The following HTR2C variants were observed in gnomAD, a reference collection of about 807,000 sequenced individuals.
HTR2C encodes the protein 5-hydroxytryptamine receptor 2C.
In HTR2C, 5 loss-of-function variants were observed where a neutral mutation model predicts 21.0. That is an observed-to-expected ratio of 0.24 (90% CI 0.12 to 0.50). The LOEUF is 0.50. Ranked by LOEUF, HTR2C falls within the 20% of genes least tolerant of loss-of-function variation. HTR2C has a pLI of 0.98. For missense variants in HTR2C, 271 were observed against 371.2 expected (o/e 0.73, Z 2.22); for synonymous variants, 150 against 145.3 (o/e 1.03, Z -0.23).
intron 4 of HTR2C, among the ~76,000 whole-genome samples, chrX:114,733,246 G>A (rs2069553930): frequency 9.1e-6 from 1 of 109,585 alleles, no homozygotes; most frequent in South Asian, 4.0e-4. Context: ...AGTCTCTGCT[G>A]AAAATACAAA....
Position 114,807,362 on chromosome X carries a change from CAT to C in HTR2C, c.350-40636_350-40635del, listed in dbSNP as rs1266237581. On this transcript the variant is annotated intron_variant, in intron 4 of 5. Coordinates refer to ENST00000276198, the MANE Select transcript of HTR2C (RefSeq NM_000868.4). ...ATGTATCTATACCATATATATACACCATATATCTATACCATATATATACGCCA... is the reference window on the plus strand; with the variant it reads ...ATGTATCTATACCATATATATACACCATATCTATACCATATATATACGCCA... 3.2e-3 allele frequency among the ~76,000 whole-genome samples: 100 copies of C among 31,740 alleles called. 46 individuals are homozygous for C. In the South Asian group the frequency reaches 0.038, roughly 12 times the overall value. The allele number at this position is 31,740 out of a possible 115,157, so 27.6% of individuals were successfully genotyped here. A position where few individuals can be genotyped will look rare whatever the true frequency, so the allele number is the denominator to read the frequency against.
At chrX:114,628,312 C>T (rs1381447391) in intron 2 of HTR2C, among the ~76,000 whole-genome samples, 1 of 110,029 alleles carries the variant, frequency 9.1e-6, no homozygotes, top group Admixed American at 9.8e-5. Flanking sequence ...GATCTTGGCT[C>T]ACTGCAACTT....
At chrX:114,802,796 A>G (rs782165207) in intron 4 of HTR2C, among the ~76,000 whole-genome samples, 2 of 102,259 alleles carry the variant, frequency 2.0e-5, no homozygotes, top group African/African-American at 7.2e-5. Context: ...TTAGTTACAT[A>G]TGTATTCATG....
chrX:114,734,292 A>G (rs1467160107), intron 4 of HTR2C, among the ~76,000 whole-genome samples: 4 of 111,060 alleles, frequency 3.6e-5, no homozygotes, highest in Non-Finnish European at 7.6e-5. Flanking sequence ...AAATGATTAA[A>G]TGTATGTATG....
intron 5 of HTR2C, among the ~76,000 whole-genome samples, chrX:114,851,241 GA>G (rs1286357540): frequency 8.9e-6 from 1 of 111,773 alleles, no homozygotes; most frequent in African/African-American, 3.2e-5. Context: ...GACAAGTGAA[GA>G]ATACATATTC....
At chrX:114,775,760 G>T in intron 4 of HTR2C, 1 of 487,066 alleles carries the variant, frequency 2.1e-6, no homozygotes, top group South Asian at 3.0e-5. Context: ...GGGGATATGA[G>T]TATAACCACC....
chrX:114,744,514 T>G (rs1234940304), intron 4 of HTR2C, among the ~76,000 whole-genome samples: 8 of 107,903 alleles, frequency 7.4e-5, no homozygotes, highest in South Asian at 4.2e-4. Flanking sequence ...GTGCAATGGC[T>G]TGATCTCGGC....
chrX:114,876,532 A>T (rs1169077105), intron 5 of HTR2C, among the ~76,000 whole-genome samples: 1 of 106,238 alleles, frequency 9.4e-6, no homozygotes, highest in East Asian at 2.9e-4. Context: ...TAGAGGAAAA[A>T]TTTCACATTT....
rs192960493 is a variant in HTR2C at position 114,811,330 on chromosome X, C to T, written c.350-36673C>T. Among the ~76,000 whole-genome samples the T allele has an allele frequency of 9.0e-5, 10 of 110,833 alleles. No individual in the cohort carries two copies. In the East Asian group the frequency reaches 2.5e-3, roughly 28 times the overall value. ...TTTCATGGTTTCCCTCAGACCCCAC[C>T]CAATACGTTTTTTTGGAAGATTAAC... On this transcript the variant is annotated intron_variant, in intron 4 of 5. Coordinates refer to ENST00000276198, the MANE Select transcript of HTR2C (RefSeq NM_000868.4).
intron 5 of HTR2C, among the ~76,000 whole-genome samples, chrX:114,862,196 A>G (rs1489789115): frequency 8.1e-5 from 9 of 110,976 alleles, no homozygotes; most frequent in Non-Finnish European, 1.5e-4. Flanking sequence ...ATTCTTTTGC[A>G]TATGGAAATA....
intron 2 of HTR2C, among the ~76,000 whole-genome samples, chrX:114,640,097 C>T (rs782670235): frequency 1.8e-5 from 2 of 110,693 alleles, no homozygotes; most frequent in South Asian, 7.5e-4. Context: ...ATTTTTTGTT[C>T]GACACATATT....
intron 2 of HTR2C, among the ~76,000 whole-genome samples, chrX:114,714,688 C>T (rs958752495): frequency 5.4e-5 from 6 of 111,941 alleles, no homozygotes; most frequent in African/African-American, 9.7e-5. Flanking sequence ...TGTAAAACAG[C>T]GTAGAATAAT....
intron 2 of HTR2C, among the ~76,000 whole-genome samples, chrX:114,702,825 G>A (rs1469050227): frequency 1.9e-5 from 2 of 106,592 alleles, no homozygotes; most frequent in African/African-American, 6.8e-5. Flanking sequence ...CATCTCACGT[G>A]CAGAGACACA....
intron 4 of HTR2C, among the ~76,000 whole-genome samples, chrX:114,797,365 T>C (rs981682199): frequency 3.6e-5 from 4 of 111,552 alleles, no homozygotes; most frequent in African/African-American, 1.3e-4. Flanking sequence ...TTCTGCCAAG[T>C]TGTGGATTTC....
chrX:114,599,407 A>G (rs1394274580), intron 1 of HTR2C, among the ~76,000 whole-genome samples: 1 of 112,073 alleles, frequency 8.9e-6, no homozygotes, highest in African/African-American at 3.2e-5. Flanking sequence ...GAAAGAGCTC[A>G]AGACTGGATG....
At chrX:114,779,985 A>G (rs1345295644) in intron 4 of HTR2C, among the ~76,000 whole-genome samples, 1 of 111,197 alleles carries the variant, frequency 9.0e-6, no homozygotes, top group Non-Finnish European at 1.9e-5. Context: ...CCAACCATAG[A>G]TCAAAAATAT....
intron 3 of HTR2C, among the ~76,000 whole-genome samples, chrX:114,727,269 TAGAA>T (rs1556422289): frequency 8.9e-6 from 1 of 112,298 alleles, no homozygotes. Context: ...GGGTAAAACT[TAGAA>T]AGGAAAAATT....
intron 2 of HTR2C, among the ~76,000 whole-genome samples, chrX:114,640,320 AAC>A (rs1556406168): frequency 2.1e-5 from 2 of 97,008 alleles, no homozygotes; most frequent in East Asian, 6.9e-4. Flanking sequence ...AAAACAATGA[AAC>A]ACATATATCT....
At chrX:114,904,966 A>T (rs2071361511) in intron 5 of HTR2C, among the ~76,000 whole-genome samples, 1 of 110,368 alleles carries the variant, frequency 9.1e-6, no homozygotes, top group Non-Finnish European at 1.9e-5. Context: ...ATTCCTGTTG[A>T]AATTTCCCAG....
Sources: allele counts gnomAD v4.1 joint callset (sites outside exome capture counted in the v4.1 genomes callset), GRCh38; gene constraint gnomAD v4.1.1; transcripts MANE v1.5; gene names NCBI Gene and HGNC (gene_info 2026-07-23, HGNC 2026-07-21).